The following NDRG3 variants were observed in gnomAD, a reference collection of about 807,000 sequenced individuals.
NDRG3 encodes NDRG family member 3.
A neutral mutation model predicts 57.2 loss-of-function variants in NDRG3; 23 were observed. The ratio of observed to expected loss-of-function variants is 0.40; its 90% CI spans 0.29 to 0.57. NDRG3 has a LOEUF of 0.57. Among genes scored for constraint, NDRG3 ranks in the 20% least tolerant of loss-of-function variants. The pLI, the probability that NDRG3 is intolerant of heterozygous loss-of-function variation, is 0.42. For synonymous variants in NDRG3, 132 were observed against 162.6 expected, an observed-to-expected ratio of 0.81 and a Z score of 1.43; for missense variants, 384 against 457.3, an observed-to-expected ratio of 0.84 and a Z score of 1.46.
intron 3 of NDRG3, among the ~76,000 whole-genome samples, chr20:36,691,240 T>C (rs930310418): frequency 6.6e-6 from 1 of 152,238 alleles, no homozygotes; most frequent in Admixed American, 6.5e-5. Context: ...GACATCAGTA[T>C]ATCTCAAATT....
Position 36,653,542 on chromosome 20 carries a change from T to G in NDRG3, c.1106A>C (p.Gln369Pro). 1 of 1,614,160 alleles carries G rather than the reference T, an allele frequency of 6.2e-7. No individual in the cohort carries two copies. Among genetic ancestry groups the G allele is most frequent in the Non-Finnish European group, 8.5e-7 (1 of 1,180,000 alleles). The change falls in exon 16 of 16, where the codon CAG (glutamine) becomes CCG (proline). Residue 369 changes from glutamine to proline, a missense_variant. Gln to Pro is a moderately conservative substitution (Grantham distance 76). Coordinates refer to ENST00000349004, the MANE Select transcript of NDRG3 (RefSeq NM_032013.4). The surrounding 1 kb of genome is among the most constrained non-coding windows in gnomAD (Gnocchi z 4.2). ...TGCTTAGCAGGACACCTCCATGGTC[T>G]GGTGTCTGTCCAGGACATCAGGGGA... Reference protein sequence around the residue: ...CESPDVLDRHQTMEVSC With the variant: ...CESPDVLDRHPTMEVSC
At chr20:36,730,679 G>A (rs1278320227) in intron 1 of NDRG3, among the ~76,000 whole-genome samples, 1 of 152,104 alleles carries the variant, frequency 6.6e-6, no homozygotes, top group Admixed American at 6.6e-5. Context: ...AGGGCACAGT[G>A]GCTCATGCCT....
intron 13 of NDRG3, among the ~76,000 whole-genome samples, chr20:36,657,483 A>AG (rs1487465801): frequency 6.6e-6 from 1 of 150,910 alleles, no homozygotes; most frequent in Non-Finnish European, 1.5e-5. Flanking sequence ...GTCCGTCTCC[A>AG]GGAAAAAAAA....
At chr20:36,700,148 T>C (rs967104968) in intron 3 of NDRG3, among the ~76,000 whole-genome samples, 4 of 144,724 alleles carry the variant, frequency 2.8e-5, no homozygotes, top group Non-Finnish European at 3.0e-5. Flanking sequence ...GATGAAGGAA[T>C]AGGGCAAAGT....
chr20:36,696,885 G>A (rs184451160), intron 3 of NDRG3, among the ~76,000 whole-genome samples: 6 of 152,244 alleles, frequency 3.9e-5, no homozygotes, highest in Admixed American at 1.3e-4. Flanking sequence ...CTCTTCCACA[G>A]CATTGACAAT....
intron 8 of NDRG3, among the ~76,000 whole-genome samples, chr20:36,674,753 T>G (rs1308264829): frequency 6.6e-6 from 1 of 151,240 alleles, no homozygotes; most frequent in Non-Finnish European, 1.5e-5. Context: ...GTGTACCACC[T>G]TTTAAATTTT....
chr20:36,721,022 T>C (rs977158894), intron 2 of NDRG3, among the ~76,000 whole-genome samples: 17 of 150,766 alleles, frequency 1.1e-4, no homozygotes, highest in African/African-American at 3.9e-4. Context: ...GTGATCCACC[T>C]GCCTTGGCCT....
chr20:36,672,556 T>C (rs1368942627), intron 8 of NDRG3, among the ~76,000 whole-genome samples: 7 of 152,118 alleles, frequency 4.6e-5, no homozygotes, highest in Non-Finnish European at 7.4e-5. Context: ...AGGCTGGGCG[T>C]GGTGGCTCAT....
intron 5 of NDRG3, among the ~76,000 whole-genome samples, chr20:36,687,021 GC>G (rs1981845173): frequency 6.6e-6 from 1 of 151,958 alleles, no homozygotes; most frequent in African/African-American, 2.4e-5. Context: ...TGCCTGGCTG[GC>G]TAATTTTTCA....
intron 1 of NDRG3, among the ~76,000 whole-genome samples, chr20:36,728,811 C>T (rs1208876412): frequency 1.3e-5 from 2 of 151,910 alleles, no homozygotes; most frequent in African/African-American, 4.8e-5. Flanking sequence ...CTGCAACCTC[C>T]GCCTCCTGGG....
intron 3 of NDRG3, among the ~76,000 whole-genome samples, chr20:36,699,713 T>G (rs1432701654): frequency 1.3e-5 from 2 of 151,406 alleles, no homozygotes; most frequent in African/African-American, 2.4e-5. Flanking sequence ...TGTGTGTGTG[T>G]GGGTACACAC....
At chr20:36,719,365 T>A (rs1984456379) in intron 2 of NDRG3, among the ~76,000 whole-genome samples, 1 of 144,162 alleles carries the variant, frequency 6.9e-6, no homozygotes, top group Non-Finnish European at 1.5e-5. Context: ...AGGCAGAGGT[T>A]GCAGTGAGCC....
intron 3 of NDRG3, among the ~76,000 whole-genome samples, chr20:36,706,323 TC>T (rs1198773421): frequency 6.6e-6 from 1 of 152,146 alleles, no homozygotes; most frequent in African/African-American, 2.4e-5. Context: ...TCTGCCCTTC[TC>T]CTATCTTCTC....
chr20:36,671,434 A>G lies in NDRG3; in HGVS notation c.532-37T>C, dbSNP rs1464860932. 3.9e-6 allele frequency: 6 copies of G among 1,536,052 alleles called. No individual in the cohort carries two copies. In the East Asian group the frequency reaches 9.0e-5, roughly 23 times the overall value. On this transcript the variant is annotated intron_variant, in intron 8 of 15. Transcript: ENST00000349004. ...AAAACTCTGTGTTAAGAATGTAAGC[A>G]TATGCAAAAATTTATCAAGCTGCCC...
Position 36,652,783 on chromosome 20 carries a change from CTA to C in NDRG3, c.*735_*736del, listed in dbSNP as rs1344393541. On this transcript the variant is annotated 3_prime_UTR_variant, in exon 16 of 16. Transcript: ENST00000349004. ...CCACATTCACTCCTTGGAAAAAACT[CTA>C]TGTTGTATCAGAACCTCAGCGATGG... 6.6e-6 allele frequency: 1 copy of C among 152,196 alleles called. No homozygotes were observed. The highest frequency in any genetic ancestry group is 1.5e-5 in the Non-Finnish European group (1 of 68,034). The allele number at this position is 152,196 out of a possible 1,614,324, so 9.4% of individuals were successfully genotyped here. A position where few individuals can be genotyped will look rare whatever the true frequency, so the allele number is the denominator to read the frequency against.
At chr20:36,743,195 T>C (rs1986001511) in intron 1 of NDRG3, among the ~76,000 whole-genome samples, 1 of 152,112 alleles carries the variant, frequency 6.6e-6, no homozygotes, top group Non-Finnish European at 1.5e-5. Context: ...AGTAACAATT[T>C]AGAATAAAAC....
intron 14 of NDRG3, 38 bp downstream of exon 14, chr20:36,656,459 G>T (rs369506201): frequency 1.2e-6 from 2 of 1,613,976 alleles, no homozygotes; most frequent in African/African-American, 2.7e-5. Flanking sequence ...AGACAGAGAA[G>T]CAGAATTAAA....
At chr20:36,738,967 T>C (rs771918130) in intron 1 of NDRG3, among the ~76,000 whole-genome samples, 14 of 142,646 alleles carry the variant, frequency 9.8e-5, no homozygotes, top group Non-Finnish European at 4.5e-5. Flanking sequence ...CTACTAAAAA[T>C]ACAAAAATTA....
chr20:36,709,351 G>A (rs1983738593), intron 2 of NDRG3, among the ~76,000 whole-genome samples: 1 of 152,168 alleles, frequency 6.6e-6, no homozygotes, highest in Non-Finnish European at 1.5e-5. Flanking sequence ...ATAACGTTAT[G>A]AAAGAGCAGC....
Sources: gnomAD v4.1 joint callset for allele counts (sites outside exome capture counted in the v4.1 genomes callset) on GRCh38, gnomAD v4.1.1 for gene constraint, Gnocchi (gnomAD v3.1) non-coding constraint, MANE v1.5 for transcripts, NCBI Gene and HGNC (gene_info 2026-07-23, HGNC 2026-07-21) for gene names.